The following MACF1 variants were observed in gnomAD, a reference collection of about 807,000 sequenced individuals.
The protein encoded by MACF1 is microtubule actin crosslinking factor 1.
Under a neutral mutation model 854.8 loss-of-function variants are expected in MACF1, and 193 were observed. The ratio of observed to expected loss-of-function variants is 0.23; its 90% CI spans 0.20 to 0.25. MACF1 has a LOEUF of 0.25. MACF1 is among the 10% of genes least tolerant of loss of function. The pLI is 1.00. For synonymous variants in MACF1, 3,185 were observed against 3,226.7 expected (o/e 0.99, Z 0.44); for missense variants, 7,722 against 8,929.1 (o/e 0.86, Z 5.45).
In MACF1 at chr1:39,324,297, C is replaced by T. The variant is rs372205121; in HGVS notation, c.4341C>T (p.Ser1447=). 44 of 1,613,742 alleles carry T rather than the reference C, an allele frequency of 2.7e-5. No homozygotes were observed. Among genetic ancestry groups the T allele is most frequent in the East Asian group, 6.7e-5 (3 of 44,858 alleles). The change falls in exon 34 of 101, where the codon TCC becomes TCT. Residue 1447 remains serine, a synonymous_variant. Transcript: ENST00000564288. ...ATACACAAGGAAAAGCTACCTCATC[C>T]GAGACCAAAGAATCAACAGACATTG... The part of the protein sequence containing the change: ...ARNTQGKATS[S]ETKESTDIEK...
intron 40 of MACF1, among the ~76,000 whole-genome samples, chr1:39,343,120 CAT>C (rs1262778879): frequency 1.2e-4 from 19 of 152,300 alleles, no homozygotes; most frequent in African/African-American, 4.6e-4. Context: ...CCATGAGACA[CAT>C]GTGAGCCAGA....
rs1645214373 is a variant in MACF1, at chr1:39,265,015, GT to G, written c.528+6988del. On this transcript the variant is annotated intron_variant, in intron 6 of 100. Coordinates refer to ENST00000564288, the MANE Select transcript of MACF1 (RefSeq NM_001394062.1). ...TGGCTTTGTCCAAGCTTGTTTTAAG[GT>G]ATAGGTTAAGATTTATAGTTCTTCT... 3.3e-5 allele frequency among the ~76,000 whole-genome samples: 5 copies of G among 152,158 alleles called. No individual in the cohort carries two copies. In the South Asian group the frequency reaches 1.0e-3, roughly 32 times the overall value.
At position 39,360,951 on chromosome 1, in the gene MACF1, G is replaced by A. The variant is rs150273938; in HGVS notation, c.12403G>A (p.Val4135Met). ...EVEQNLEGKQVSSLSSGVIQE... is the reference protein window; with the variant it reads ...EVEQNLEGKQMSSLSSGVIQE... ...TGAACAAAACCTGGAAGGGAAGCAGGTGTCATCACTCTCATCAGGAGTCAT... is the reference window on the plus strand; with the variant it reads ...TGAACAAAACCTGGAAGGGAAGCAGATGTCATCACTCTCATCAGGAGTCAT... Residue 4135 changes from valine to methionine, a missense_variant, in exon 48 of 101, where the codon GTG (valine) becomes ATG (methionine). By Grantham distance (21) the Val-to-Met change is conservative. This residue lies in a region of MACF1 where 2,807 missense variants were observed against 3,235.8 expected (regional missense o/e 0.87). Coordinates refer to ENST00000564288, the MANE Select transcript of MACF1 (RefSeq NM_001394062.1). The A allele has an allele frequency of 2.5e-6, 4 of 1,614,096 alleles. No individual in the cohort carries two copies. The highest frequency in any genetic ancestry group is 2.2e-5 in the East Asian group (1 of 44,876).
intron 6 of MACF1, among the ~76,000 whole-genome samples, chr1:39,275,188 C>T (rs1407190486): frequency 6.6e-6 from 1 of 151,772 alleles, no homozygotes; most frequent in African/African-American, 2.4e-5. Context: ...ACGCCATTCT[C>T]CCGCCTCAGC....
intron 28 of MACF1, 107 bp from the exon 29 acceptor site, chr1:39,317,106 TA>T (rs1646426488): frequency 1.8e-6 from 2 of 1,128,728 alleles, no homozygotes; most frequent in East Asian, 5.1e-5. Flanking sequence ...CACAATCACA[TA>T]TACAATGTGG....
At chr1:39,363,872 A>G (rs530622462) in intron 49 of MACF1, among the ~76,000 whole-genome samples, 1 of 152,132 alleles carries the variant, frequency 6.6e-6, no homozygotes, top group African/African-American at 2.4e-5. Flanking sequence ...TCGGCCTCCC[A>G]AAGTGCTGGG....
chr1:39,412,420 G>T, intron 58 of MACF1: 3 of 1,614,046 alleles, frequency 1.9e-6, no homozygotes, highest in Non-Finnish European at 2.5e-6. Context: ...TGATGAGGAT[G>T]GTGAGGCAAA....
chr1:39,120,833 CAATCTAA>C (rs1642684794), intron 2 of MACF1: 2 of 152,236 alleles, frequency 1.3e-5, no homozygotes, highest in South Asian at 4.1e-4. Flanking sequence ...GTGTTGCAAA[CAATCTAA>C]TTACACTCTA....
intron 2 of MACF1, chr1:39,103,113 CAGA>C (rs1642134903): frequency 3.8e-6 from 2 of 529,328 alleles, no homozygotes; most frequent in African/African-American, 3.8e-5. Flanking sequence ...CAACCTAAAG[CAGA>C]AGTTTCTTCT....
rs56799242 is a variant in MACF1 at position 39,417,713 on chromosome 1, A to ATTTTTTTT, written c.15817-4632_15817-4625dup. Reference sequence around the variant, plus strand: ...AGGAATGTGCCACCACACCCAGTTAATTTTTTTTTTTTTTTTTTTTTTTTT... The same window carrying ATTTTTTTT: ...AGGAATGTGCCACCACACCCAGTTAATTTTTTTTTTTTTTTTTTTTTTTTTTTTTTTTT... On this transcript the variant is annotated intron_variant, in intron 58 of 100. Transcript: ENST00000564288. Among the ~76,000 whole-genome samples, 10 of 55,830 alleles carry ATTTTTTTT rather than the reference A, an allele frequency of 1.8e-4. 1 individual carries two copies. The highest frequency in any genetic ancestry group is 4.3e-4 in the East Asian group (1 of 2,314). 36.6% of individuals were successfully genotyped at this position (55,830 alleles called of 152,430 possible). A position where few individuals can be genotyped will look rare whatever the true frequency, so the allele number is the denominator to read the frequency against.
intron 15 of MACF1, among the ~76,000 whole-genome samples, chr1:39,288,110 A>T (rs1645683063): frequency 6.6e-6 from 1 of 152,196 alleles, no homozygotes; most frequent in Non-Finnish European, 1.5e-5. Context: ...AATGCATAAT[A>T]ATCACATCAT....
At chr1:39,187,864 CTG>C (rs1644194505) in intron 2 of MACF1, among the ~76,000 whole-genome samples, 1 of 137,168 alleles carries the variant, frequency 7.3e-6, no homozygotes, top group African/African-American at 2.7e-5. Context: ...CTCTCTCTCT[CTG>C]TCTCTCTCTC....
chr1:39,422,654 T>A, intron 59 of MACF1, 76 bp from the exon 60 acceptor site: 1 of 1,550,126 alleles, frequency 6.5e-7, no homozygotes, highest in Non-Finnish European at 8.8e-7. Flanking sequence ...CAATCTATAA[T>A]TACTAAAAGA....
At chr1:39,413,147 C>T (rs1386497461) in intron 58 of MACF1, 2 of 1,612,702 alleles carry the variant, frequency 1.2e-6, no homozygotes, top group Admixed American at 3.3e-5. Flanking sequence ...TTAGCTATTA[C>T]AGTACCCATC....
intron 2 of MACF1, among the ~76,000 whole-genome samples, chr1:39,138,327 T>C (rs1025323544): frequency 8.6e-5 from 13 of 151,678 alleles, no homozygotes; most frequent in Admixed American, 7.9e-4. Context: ...CTCACGCCTG[T>C]AATCCCAGCA....
chr1:39,372,546 T>C lies in MACF1; in HGVS notation c.13163T>C (p.Leu4388Ser). The C allele has an allele frequency of 1.9e-6, 3 of 1,613,930 alleles. No homozygotes were observed. Among genetic ancestry groups the C allele is most frequent in the East Asian group, 2.2e-5 (1 of 44,868 alleles). ...GAAATCAATTGCAAAGGTACTTCTT[T>C]AGAAAATCTCATCATGGAAATCACA... ...VEEINCKGTS[L>S]ENLIMEITAP... is the part of the protein sequence containing the mutation. Residue 4388 changes from leucine to serine, a missense_variant, in exon 52 of 101, where the codon TTA becomes TCA. Coordinates refer to ENST00000564288, the MANE Select transcript of MACF1 (RefSeq NM_001394062.1).
At chr1:39,422,929 G>T in intron 60 of MACF1, 29 bp downstream of exon 60, 2 of 1,604,520 alleles carry the variant, frequency 1.2e-6, no homozygotes, top group Non-Finnish European at 1.7e-6. Context: ...ACAGTGAACT[G>T]TAACAGCCGT....
chr1:39,393,192 A>ATATATATATATATATAT (rs1434134146), intron 58 of MACF1, among the ~76,000 whole-genome samples: 5 of 84,674 alleles, frequency 5.9e-5, no homozygotes, highest in African/African-American at 2.8e-4. Context: ...AAAAAAAAAA[A>ATATATATATATATATAT]AAAAATATAT....
rs143291154 is a variant in MACF1, at chr1:39,370,073, C to G, written c.12982C>G (p.Arg4328Gly). Residue 4328 changes from arginine (R) to glycine (G), a missense_variant, in exon 51 of 101, where the codon CGG (arginine) becomes GGG (glycine). Around this residue, in one of 15 missense-constraint regions of MACF1, gnomAD observed 2,807 missense variants for 3,235.8 expected, o/e 0.87. Transcript: ENST00000564288. Reference protein sequence around the residue: ...SSCQEQLDEFRKLVRTFQKWL... With the variant: ...SSCQEQLDEFGKLVRTFQKWL... ...TTGCCAGGAACAGTTGGATGAATTCCGGAAGCTGGTCAGGACCTTCCAGAA... is the reference window on the plus strand; with the variant it reads ...TTGCCAGGAACAGTTGGATGAATTCGGGAAGCTGGTCAGGACCTTCCAGAA... 1.7e-4 allele frequency: 272 copies of G among 1,613,586 alleles called. No homozygotes were observed. The highest frequency in any genetic ancestry group is 2.0e-4 in the Non-Finnish European group (232 of 1,179,864).
Sources: gnomAD v4.1 joint callset for allele counts (sites outside exome capture counted in the v4.1 genomes callset) on GRCh38, gnomAD v4.1.1 for gene constraint, gnomAD v4.1.1 regional missense constraint, MANE v1.5 for transcripts, NCBI Gene and HGNC (gene_info 2026-07-23, HGNC 2026-07-21) for gene names.